The following PRRX2 variants were observed in gnomAD, a reference collection of about 807,000 sequenced individuals.
The protein encoded by PRRX2 is paired related homeobox 2.
PRRX2 carries 11 observed loss-of-function variants against 18.0 expected under a neutral mutation model. The observed-to-expected ratio is 0.61, with a 90% CI of 0.39 to 1.01. The LOEUF is 1.01. PRRX2 is among the 50% of genes least tolerant of loss of function. The pLI is 0.01. For synonymous variants in PRRX2, 177 were observed against 154.8 expected, an observed-to-expected ratio of 1.14 and a Z score of -1.06; for missense variants, 387 against 351.0, an observed-to-expected ratio of 1.10 and a Z score of -0.82.
chr9:129,719,825 A>G (rs1197498603), intron 2 of PRRX2, among the ~76,000 whole-genome samples: 1 of 152,134 alleles, frequency 6.6e-6, no homozygotes, highest in Non-Finnish European at 1.5e-5. Flanking sequence ...CATCTTTACT[A>G]AAAGTACAAA....
Position 129,675,128 on chromosome 9 carries a change from CTGGA to C in PRRX2, c.259+9003_259+9006del, listed in dbSNP as rs1371098757. ...TGCCGCAGGATGCATAAGGCTGGCT[CTGGA>C]CCTGGAAGGGCCCGGAAGTGTCCAG... On this transcript the variant is annotated intron_variant, in intron 1 of 3. Coordinates refer to ENST00000372469, the MANE Select transcript of PRRX2 (RefSeq NM_016307.4). This position sits in a 1 kb window ranked among gnomAD's most constrained non-coding sequence, Gnocchi z 4.4. 6.6e-6 allele frequency among the ~76,000 whole-genome samples: 1 copy of C among 152,194 alleles called. No individual in the cohort carries two copies. Among genetic ancestry groups the C allele is most frequent in the African/African-American group, 2.4e-5 (1 of 41,456 alleles).
At chr9:129,699,423 C>CAA (rs200213870) in intron 1 of PRRX2, among the ~76,000 whole-genome samples, 33 of 147,272 alleles carry the variant, frequency 2.2e-4, no homozygotes, top group African/African-American at 6.7e-4. Flanking sequence ...GACTCTGTCT[C>CAA]AAAAAAAATA....
chr9:129,688,066 TTA>T (rs1832317199), intron 1 of PRRX2, among the ~76,000 whole-genome samples: 1 of 151,726 alleles, frequency 6.6e-6, no homozygotes, highest in African/African-American at 2.4e-5. Context: ...TGGCTAACTT[TTA>T]TATTTTTTGT....
At chr9:129,668,589 C>CT (rs1434803418) in intron 1 of PRRX2, among the ~76,000 whole-genome samples, 2 of 151,464 alleles carry the variant, frequency 1.3e-5, no homozygotes, top group Admixed American at 6.6e-5. Flanking sequence ...ACAAGTCTGG[C>CT]TAACATGGTG....
In PRRX2 at chr9:129,665,659, G is replaced by A; in HGVS notation, c.-209G>A. The stretch of plus-strand genomic sequence containing the variant: ...TGGCCGGCGCAGCGCGTGCACCAGC[G>A]GCTCCGGAGCGAGCGGCCGTGGCTG... On this transcript the variant is annotated 5_prime_UTR_variant, in exon 1 of 4. Transcript: ENST00000372469. This position sits in a 1 kb window ranked among gnomAD's most constrained non-coding sequence, Gnocchi z 5.3. 1 of 192,418 alleles carries A rather than the reference G, an allele frequency of 5.2e-6. No individual in the cohort carries two copies. The highest frequency in any genetic ancestry group is 9.7e-6 in the Non-Finnish European group (1 of 102,942). The allele number at this position is 192,418 out of a possible 1,614,324, so 11.9% of individuals were successfully genotyped here.
At chr9:129,697,620 C>G (rs1409949156) in intron 1 of PRRX2, among the ~76,000 whole-genome samples, 1 of 151,850 alleles carries the variant, frequency 6.6e-6, no homozygotes, top group Non-Finnish European at 1.5e-5. Flanking sequence ...GATTTCGGAC[C>G]GACCCCAGAC....
chr9:129,697,807 A>G (rs1832446328), intron 1 of PRRX2, among the ~76,000 whole-genome samples: 1 of 151,806 alleles, frequency 6.6e-6, no homozygotes, highest in African/African-American at 2.4e-5. Flanking sequence ...CACCCCACAA[A>G]GGGCTGGGGA....
At chr9:129,670,849 C>T (rs768160473) in intron 1 of PRRX2, among the ~76,000 whole-genome samples, 7 of 152,202 alleles carry the variant, frequency 4.6e-5, no homozygotes, top group Non-Finnish European at 8.8e-5. Flanking sequence ...AGGCAGCTTG[C>T]GTTCCTTCCC....
chr9:129,697,675 C>T (rs1287326947), intron 1 of PRRX2, among the ~76,000 whole-genome samples: 10 of 152,000 alleles, frequency 6.6e-5, no homozygotes, highest in Admixed American at 2.6e-4. Flanking sequence ...GCCAGCTCCC[C>T]GTCCAGATGG....
At chr9:129,692,545 G>A (rs916122244) in intron 1 of PRRX2, among the ~76,000 whole-genome samples, 3 of 152,076 alleles carry the variant, frequency 2.0e-5, no homozygotes, top group African/African-American at 7.2e-5. Flanking sequence ...CAGTCCCCCG[G>A]GTTCTGCCTC....
At chr9:129,706,253 C>A (rs1377554171) in intron 1 of PRRX2, among the ~76,000 whole-genome samples, 1 of 151,488 alleles carries the variant, frequency 6.6e-6, no homozygotes, top group Non-Finnish European at 1.5e-5. Flanking sequence ...TGAGACCAGG[C>A]TGGACAACAT....
chr9:129,688,169 C>T (rs1832318151), intron 1 of PRRX2, among the ~76,000 whole-genome samples: 1 of 152,152 alleles, frequency 6.6e-6, no homozygotes, highest in Non-Finnish European at 1.5e-5. Flanking sequence ...TCAAGCCATC[C>T]TCCCACCTCA....
At chr9:129,674,272 A>G (rs1832137694) in intron 1 of PRRX2, among the ~76,000 whole-genome samples, 1 of 152,174 alleles carries the variant, frequency 6.6e-6, no homozygotes, top group Admixed American at 6.5e-5. Context: ...ATGGGTCCCC[A>G]TGGCGCCCTT....
At chr9:129,685,787 C>T (rs994465228) in intron 1 of PRRX2, among the ~76,000 whole-genome samples, 7 of 152,232 alleles carry the variant, frequency 4.6e-5, no homozygotes, top group Admixed American at 4.6e-4. Context: ...TTCATTCATT[C>T]ATCCATGCAG....
At chr9:129,703,051 C>T (rs1054771698) in intron 1 of PRRX2, among the ~76,000 whole-genome samples, 3 of 152,220 alleles carry the variant, frequency 2.0e-5, no homozygotes, top group Admixed American at 1.3e-4. Context: ...TTTCTAGAGC[C>T]AGGGTTGGCT....
chr9:129,703,645 A>G (rs1022974181), intron 1 of PRRX2, among the ~76,000 whole-genome samples: 3 of 152,112 alleles, frequency 2.0e-5, no homozygotes, highest in South Asian at 2.1e-4. Flanking sequence ...TGCCAGGCGC[A>G]TAATAAAGTG....
intron 1 of PRRX2, among the ~76,000 whole-genome samples, chr9:129,677,143 C>A (rs1052912121): frequency 2.6e-5 from 4 of 152,218 alleles, no homozygotes; most frequent in Non-Finnish European, 5.9e-5. Context: ...AGTGAACAGG[C>A]CAGCCCTGGT....
At chr9:129,693,171 C>T (rs893541543) in intron 1 of PRRX2, among the ~76,000 whole-genome samples, 1 of 152,176 alleles carries the variant, frequency 6.6e-6, no homozygotes, top group Non-Finnish European at 1.5e-5. Flanking sequence ...CTTTCATATG[C>T]TTACTTGCCA....
At chr9:129,677,214 G>C (rs1165076923) in intron 1 of PRRX2, among the ~76,000 whole-genome samples, 1 of 152,250 alleles carries the variant, frequency 6.6e-6, no homozygotes, top group Non-Finnish European at 1.5e-5. Flanking sequence ...CCATCTGCCA[G>C]TCTCCGAGCT....
Sources: gnomAD v4.1 joint callset for allele counts (sites outside exome capture counted in the v4.1 genomes callset) on GRCh38, gnomAD v4.1.1 for gene constraint, Gnocchi (gnomAD v3.1) non-coding constraint, MANE v1.5 for transcripts, NCBI Gene and HGNC (gene_info 2026-07-23, HGNC 2026-07-21) for gene names.